The following UTRN variants were observed in gnomAD, a reference collection of about 807,000 sequenced individuals.
UTRN encodes dystrophin-related protein 1.
Under a neutral mutation model 463.9 loss-of-function variants are expected in UTRN, and 283 were observed. The observed-to-expected ratio is 0.61, with a 90% CI of 0.55 to 0.67. The LOEUF is 0.67. Among genes scored for constraint, UTRN ranks in the 30% least tolerant of loss-of-function variants. The pLI is 0.00. For synonymous variants in UTRN, 1,442 were observed against 1,431.5 expected (o/e 1.01, Z -0.17); for missense variants, 3,922 against 4,084.3 (o/e 0.96, Z 1.08).
chr6:144,453,371 C>A (rs920499804), intron 18 of UTRN, among the ~76,000 whole-genome samples: 1 of 152,186 alleles, frequency 6.6e-6, no homozygotes, highest in Non-Finnish European at 1.5e-5. Flanking sequence ...GATCCACCCC[C>A]CTCAGCCTTC....
At chr6:144,799,956 AAT>A (rs1777567891) in intron 64 of UTRN, among the ~76,000 whole-genome samples, 1 of 152,224 alleles carries the variant, frequency 6.6e-6, no homozygotes, top group African/African-American at 2.4e-5. Context: ...TGAAAAGAGC[AAT>A]TGATTTAAAG....
intron 51 of UTRN, among the ~76,000 whole-genome samples, chr6:144,635,536 T>C (rs4896734): frequency 6.8e-5 from 3 of 44,192 alleles, no homozygotes; most frequent in Non-Finnish European, 8.3e-5. Context: ...TTTTCTTTTC[T>C]TTTTTTTTTT....
chr6:144,548,959 T>G, intron 47 of UTRN, 105 bp downstream of exon 47: 1 of 1,202,280 alleles, frequency 8.3e-7, no homozygotes, highest in Non-Finnish European at 1.1e-6. Context: ...GAGAATGAGG[T>G]TTAAAAAATT....
Position 144,651,061 on chromosome 6 carries a change from TATC to T in UTRN, c.7480-27342_7480-27340del, listed in dbSNP as rs141369452. Among the ~76,000 whole-genome samples the T allele has an allele frequency of 4.3e-3, 658 of 152,148 alleles. 5 individuals are homozygous for T. Among genetic ancestry groups the T allele is most frequent in the African/African-American group, 0.015 (628 of 41,558 alleles). On this transcript the variant is annotated intron_variant, in intron 51 of 74. Coordinates refer to ENST00000367545, the MANE Select transcript of UTRN (RefSeq NM_007124.3). ...TAAAAAATGAAGAAATATTTTAAAA[TATC>T]ATACACTTAGCTTCTCTCAAAATAT...
chr6:144,360,799 C>T (rs895772999), intron 2 of UTRN, among the ~76,000 whole-genome samples: 1 of 152,162 alleles, frequency 6.6e-6, no homozygotes, highest in African/African-American at 2.4e-5. Context: ...TGGTAACTTG[C>T]TTGATAATGA....
intron 51 of UTRN, among the ~76,000 whole-genome samples, chr6:144,591,254 C>G (rs1235597024): frequency 6.6e-6 from 1 of 152,122 alleles, no homozygotes; most frequent in Non-Finnish European, 1.5e-5. Context: ...CCCTGGTCAC[C>G]CCACTGCGAA....
intron 13 of UTRN, among the ~76,000 whole-genome samples, chr6:144,441,328 A>G (rs1787137324): frequency 6.6e-6 from 1 of 152,242 alleles, no homozygotes; most frequent in African/African-American, 2.4e-5. Context: ...GGCAAAGAGT[A>G]AATACATCTG....
At chr6:144,666,383 A>T (rs1780399504) in intron 51 of UTRN, among the ~76,000 whole-genome samples, 1 of 152,204 alleles carries the variant, frequency 6.6e-6, no homozygotes, top group African/African-American at 2.4e-5. Context: ...AATGATTACT[A>T]CATTTCCTTC....
At chr6:144,729,303 A>G (rs1021537086) in intron 53 of UTRN, among the ~76,000 whole-genome samples, 2 of 152,100 alleles carry the variant, frequency 1.3e-5, no homozygotes, top group Non-Finnish European at 2.9e-5. Context: ...AGATTTTTTC[A>G]TTCTTACCTT....
intron 1 of UTRN, among the ~76,000 whole-genome samples, chr6:144,289,059 C>G (rs2502638): frequency 0.092 from 14,032 of 152,272 alleles, 657 homozygotes; most frequent in African/African-American, 0.11. Context: ...CTCAGCCTCC[C>G]AAAGAGCTGG....
chr6:144,348,306 G>A (rs372676912), intron 2 of UTRN, among the ~76,000 whole-genome samples: 1 of 152,176 alleles, frequency 6.6e-6, no homozygotes, highest in African/African-American at 2.4e-5. Context: ...TTCTTCCCCC[G>A]TGGAGGTTAG....
chr6:144,657,917 G>C (rs759369332), intron 51 of UTRN, among the ~76,000 whole-genome samples: 45 of 152,010 alleles, frequency 3.0e-4, no homozygotes, highest in Admixed American at 7.2e-4. Context: ...GATGGTGCTG[G>C]TGCTGGTGGT....
rs201339192 is a variant in UTRN, at chr6:144,361,950, A to AT, written c.80-41164dup. On this transcript the variant is annotated intron_variant, in intron 2 of 74. Coordinates refer to ENST00000367545, the MANE Select transcript of UTRN (RefSeq NM_007124.3). ...AGAGAGACACAAGTCAATTCCTGGA[A>AT]TTTTTTTTTCCTTTTTGCTGCCACT... 6.1e-4 allele frequency among the ~76,000 whole-genome samples: 93 copies of AT among 151,250 alleles called. 1 individual carries two copies. Among genetic ancestry groups the AT allele is most frequent in the Admixed American group, 3.0e-3 (45 of 15,176 alleles).
chr6:144,661,506 A>T (rs1322952150), intron 51 of UTRN, among the ~76,000 whole-genome samples: 1 of 152,172 alleles, frequency 6.6e-6, no homozygotes, highest in East Asian at 1.9e-4. Context: ...AAGCATCTAA[A>T]TTCCTGAGAG....
At chr6:144,369,876 C>T (rs1190377887) in intron 2 of UTRN, among the ~76,000 whole-genome samples, 33 of 152,188 alleles carry the variant, frequency 2.2e-4, no homozygotes. Flanking sequence ...TTGCCTGCCA[C>T]CATGTAAGAC....
chr6:144,503,537 T>A (rs1794412613), intron 34 of UTRN, among the ~76,000 whole-genome samples: 1 of 152,176 alleles, frequency 6.6e-6, no homozygotes, highest in Non-Finnish European at 1.5e-5. Context: ...TTTTGTCAGG[T>A]TTGTCAAAGA....
chr6:144,611,405 C>T (rs1805511531), intron 51 of UTRN, among the ~76,000 whole-genome samples: 1 of 152,150 alleles, frequency 6.6e-6, no homozygotes, highest in African/African-American at 2.4e-5. Flanking sequence ...GGCATTCTTA[C>T]AGGAATGGAA....
intron 16 of UTRN, 66 bp from the exon 17 acceptor site, chr6:144,448,534 A>G (rs1787924871): frequency 1.3e-6 from 2 of 1,538,054 alleles, no homozygotes; most frequent in Non-Finnish European, 1.8e-6. Context: ...AGAATTTTAT[A>G]GCATGTGAAT....
rs554513168 is a variant in UTRN at position 144,300,442 on chromosome 6, A to C, written c.79+8535A>C. Among the ~76,000 whole-genome samples, 191 of 152,290 alleles carry C rather than the reference A, an allele frequency of 1.3e-3. 1 individual carries two copies. Among genetic ancestry groups the C allele is most frequent in the Admixed American group, 6.7e-3 (103 of 15,290 alleles). ...CCAAACCAAATCAAGTCAAATAACA[A>C]ACCCCAAACCTTTTATAGACCTTGA... On this transcript the variant is annotated intron_variant, in intron 2 of 74. Coordinates refer to ENST00000367545, the MANE Select transcript of UTRN (RefSeq NM_007124.3).
Sources: gnomAD v4.1 joint callset for allele counts (sites outside exome capture counted in the v4.1 genomes callset) on GRCh38, gnomAD v4.1.1 for gene constraint, MANE v1.5 for transcripts, NCBI Gene and HGNC (gene_info 2026-07-23, HGNC 2026-07-21) for gene names.